ZBTB8B: variants seen among roughly 807,000 people sequenced by gnomAD.
ZBTB8B encodes the protein zinc finger and BTB domain containing 8B.
ZBTB8B carries 17 observed loss-of-function variants against 30.3 expected under a neutral mutation model. That is an observed-to-expected ratio of 0.56 (90% CI 0.38 to 0.84). The LOEUF (loss-of-function observed/expected upper bound fraction) is 0.84, where lower values mean the gene tolerates loss of function less well. Ranked by LOEUF, ZBTB8B falls within the 40% of genes least tolerant of loss-of-function variation. The probability of loss-of-function intolerance (pLI) is 0.00; values close to 1 mark genes in which losing one functional copy is unlikely to be tolerated. For synonymous variants in ZBTB8B, 248 were observed against 255.6 expected (o/e 0.97, Z 0.28); for missense variants, 515 against 644.9 (o/e 0.80, Z 2.18).
rs1557685664 is a variant in ZBTB8B at position 32,491,974 on chromosome 1, G to C, written c.*6556G>C. 2.0e-5 allele frequency: 3 copies of C among 152,260 alleles called. No individual in the cohort carries two copies. The highest frequency in any genetic ancestry group is 2.0e-4 in the Admixed American group (3 of 15,292). 9.4% of individuals were successfully genotyped at this position (152,260 alleles called of 1,614,324 possible). On this transcript the variant is annotated 3_prime_UTR_variant, in exon 4 of 4. Coordinates refer to ENST00000609129, the MANE Select transcript of ZBTB8B (RefSeq NM_001145720.2). Reference sequence around the variant, plus strand: ...TTACACCTAATTCCTATAGAATATAGCCAGAGGAATTTCCTAGTAAAATAT... The same window carrying C: ...TTACACCTAATTCCTATAGAATATACCCAGAGGAATTTCCTAGTAAAATAT...
At chr1:32,472,671 C>T (rs554455282) in intron 2 of ZBTB8B, among the ~76,000 whole-genome samples, 3 of 152,204 alleles carry the variant, frequency 2.0e-5, no homozygotes, top group Admixed American at 6.5e-5. Flanking sequence ...TGGAGTGCAA[C>T]GGTGTGATCT....
chr1:32,493,253 CT>C lies in ZBTB8B; in HGVS notation c.*7836del, dbSNP rs1215118687. 3 of 152,094 alleles carry C rather than the reference CT, an allele frequency of 2.0e-5. No individual in the cohort carries two copies. Among genetic ancestry groups the C allele is most frequent in the Non-Finnish European group, 4.4e-5 (3 of 68,038 alleles). The allele number at this position is 152,094 out of a possible 1,614,324, so 9.4% of individuals were successfully genotyped here. On this transcript the variant is annotated 3_prime_UTR_variant, in exon 4 of 4. Coordinates refer to ENST00000609129, the MANE Select transcript of ZBTB8B (RefSeq NM_001145720.2). The stretch of plus-strand genomic sequence containing the variant: ...CGTATCCCAGGTTCAAGTGATTCCC[CT>C]GCCTCAGCCTCCCGAGTAGCTGGCA...
Position 32,485,618 on chromosome 1 carries a change from T to A in ZBTB8B, c.*200T>A. ...AGATAACCTTTTTGTGTGGTGCCCT[T>A]GGTTTCTGAGGGCTTTGCTGGCCAC... On this transcript the variant is annotated 3_prime_UTR_variant, in exon 4 of 4. Transcript: ENST00000609129. The A allele has an allele frequency of 3.3e-6, 2 of 610,674 alleles. No individual in the cohort carries two copies. Among genetic ancestry groups the A allele is most frequent in the Non-Finnish European group, 5.6e-6 (2 of 356,514 alleles). 37.8% of individuals were successfully genotyped at this position (610,674 alleles called of 1,614,324 possible). A position where few individuals can be genotyped will look rare whatever the true frequency, so the allele number is the denominator to read the frequency against.
intron 1 of ZBTB8B, among the ~76,000 whole-genome samples, chr1:32,466,974 G>T (rs878860162): frequency 6.6e-6 from 1 of 152,180 alleles, no homozygotes; most frequent in East Asian, 1.9e-4. Context: ...GCAACATAGT[G>T]AGACCCCATC....
In ZBTB8B at chr1:32,492,872, C is replaced by T. The variant is rs978410679; in HGVS notation, c.*7454C>T. ...TGACAACAGGGACAAGCACAGGGTA[C>T]TCTGAGAACGCGTGGGTCGGGTACC... On this transcript the variant is annotated 3_prime_UTR_variant, in exon 4 of 4. Coordinates refer to ENST00000609129, the MANE Select transcript of ZBTB8B (RefSeq NM_001145720.2). The T allele has an allele frequency of 1.3e-5, 2 of 152,116 alleles. No individual in the cohort carries two copies. The highest frequency in any genetic ancestry group is 4.8e-5 in the African/African-American group (2 of 41,408). The allele number at this position is 152,116 out of a possible 1,614,324, so 9.4% of individuals were successfully genotyped here.
intron 3 of ZBTB8B, among the ~76,000 whole-genome samples, chr1:32,483,055 G>A (rs955581103): frequency 2.0e-5 from 3 of 151,510 alleles, no homozygotes; most frequent in African/African-American, 7.3e-5. Context: ...GGTTCACAGA[G>A]CCCCTATCGG....
At position 32,484,210 on chromosome 1, in the gene ZBTB8B, G is replaced by GAA. The variant is rs1279754660; in HGVS notation, c.1171-876_1171-875dup. On this transcript the variant is annotated intron_variant, in intron 3 of 3. Coordinates refer to ENST00000609129, the MANE Select transcript of ZBTB8B (RefSeq NM_001145720.2). The surrounding 1 kb of genome is among the most constrained non-coding windows in gnomAD (Gnocchi z 4.5). ...GTGACAGAGAAAGACCCTGTCTCTG[G>GAA]AAAAAAAAAAAAAAAATCCCAATCA... 4.1e-3 allele frequency among the ~76,000 whole-genome samples: 541 copies of GAA among 130,474 alleles called. 3 individuals are homozygous for GAA. The highest frequency in any genetic ancestry group is 0.014 in the African/African-American group (514 of 35,566). The allele number at this position is 130,474 out of a possible 152,430, so 85.6% of individuals were successfully genotyped here.
intron 1 of ZBTB8B, among the ~76,000 whole-genome samples, chr1:32,467,049 T>C (rs12029056): frequency 0.15 from 22,496 of 152,030 alleles, 1,901 homozygotes; most frequent in African/African-American, 0.22. Context: ...CACAGCTACT[T>C]GGGAGGCTGA....
intron 1 of ZBTB8B, 81 bp from the exon 2 acceptor site, chr1:32,470,499 CAAAA>C (rs60700558): frequency 0.014 from 4,891 of 352,250 alleles, no homozygotes; most frequent in South Asian, 0.028. Context: ...GACGCTGACT[CAAAA>C]AAAAAAAAAA....
At position 32,490,356 on chromosome 1, in the gene ZBTB8B, G is replaced by A. The variant is rs1643771338; in HGVS notation, c.*4938G>A. ...TCACACTATCTTCTAACCTGATAAA[G>A]GGACACTTTATTCAGGTGCATATGA... On this transcript the variant is annotated 3_prime_UTR_variant, in exon 4 of 4. Coordinates refer to ENST00000609129, the MANE Select transcript of ZBTB8B (RefSeq NM_001145720.2). 1 of 152,100 alleles carries A rather than the reference G, an allele frequency of 6.6e-6. No individual in the cohort carries two copies. The highest frequency in any genetic ancestry group is 2.1e-4 in the South Asian group (1 of 4,828). The allele number at this position is 152,100 out of a possible 1,614,324, so 9.4% of individuals were successfully genotyped here.
intron 2 of ZBTB8B, among the ~76,000 whole-genome samples, chr1:32,478,057 C>CA (rs910312953): frequency 1.2e-3 from 156 of 132,722 alleles, no homozygotes; most frequent in East Asian, 2.4e-3. Context: ...AACTCCGTCT[C>CA]AAAAAAAAAA....
intron 2 of ZBTB8B, 33 bp from the exon 3 acceptor site, chr1:32,480,858 A>G: frequency 6.5e-7 from 1 of 1,541,494 alleles, no homozygotes; most frequent in East Asian, 2.4e-5. Context: ...CACTGCATAC[A>G]GCACAGCTAA....
At chr1:32,475,001 C>T (rs1643651962) in intron 2 of ZBTB8B, among the ~76,000 whole-genome samples, 1 of 152,178 alleles carries the variant, frequency 6.6e-6, no homozygotes, top group Non-Finnish European at 1.5e-5. Flanking sequence ...ATATTCAGGT[C>T]CTGTCCTTAT....
chr1:32,484,958 A>T lies in ZBTB8B; in HGVS notation c.1171-143A>T, dbSNP rs1643732567. 1.4e-6 allele frequency: 1 copy of T among 722,198 alleles called. No individual in the cohort carries two copies. Among genetic ancestry groups the T allele is most frequent in the Admixed American group, 2.7e-5 (1 of 36,944 alleles). 44.7% of individuals were successfully genotyped at this position (722,198 alleles called of 1,614,324 possible). A position where few individuals can be genotyped will look rare whatever the true frequency, so the allele number is the denominator to read the frequency against. ...TTTATAGCAGTGCAAGAACAGACTA[A>T]TACAAAGACTGTGGCAGAGAATGCA... is the stretch of plus-strand genomic sequence containing the variant. On this transcript the variant is annotated intron_variant, in intron 3 of 3. Coordinates refer to ENST00000609129, the MANE Select transcript of ZBTB8B (RefSeq NM_001145720.2). This position sits in a 1 kb window ranked among gnomAD's most constrained non-coding sequence, Gnocchi z 4.5.
rs1643813126 is a variant in ZBTB8B at position 32,495,767 on chromosome 1, A to T, written c.*10349A>T. Reference sequence around the variant, plus strand: ...TGTGGTAGTGTACACCTGTAGTCCCAGCTACTCCAAAGGCTGAGGCAGGAG... The same window carrying T: ...TGTGGTAGTGTACACCTGTAGTCCCTGCTACTCCAAAGGCTGAGGCAGGAG... On this transcript the variant is annotated 3_prime_UTR_variant, in exon 4 of 4. Coordinates refer to ENST00000609129, the MANE Select transcript of ZBTB8B (RefSeq NM_001145720.2). 6.6e-6 allele frequency: 1 copy of T among 152,218 alleles called. No individual in the cohort carries two copies. Among genetic ancestry groups the T allele is most frequent in the Admixed American group, 6.5e-5 (1 of 15,270 alleles). The allele number at this position is 152,218 out of a possible 1,614,324, so 9.4% of individuals were successfully genotyped here.
chr1:32,481,734 A>G (rs1362407167), intron 3 of ZBTB8B, among the ~76,000 whole-genome samples: 2 of 152,080 alleles, frequency 1.3e-5, no homozygotes, highest in African/African-American at 2.4e-5. Flanking sequence ...ATCACCCAGG[A>G]ATTAGTTCTC....
intron 2 of ZBTB8B, 22 bp downstream of exon 2, chr1:32,471,637 C>T (rs757532395): frequency 5.2e-6 from 8 of 1,535,702 alleles, no homozygotes; most frequent in South Asian, 4.8e-5. Flanking sequence ...TAGCATTCAT[C>T]AGCCCTGCCA....
chr1:32,480,975 A>G lies in ZBTB8B; in HGVS notation c.1076A>G (p.His359Arg), dbSNP rs1043080335. 28 of 1,552,250 alleles carry G rather than the reference A, an allele frequency of 1.8e-5. No homozygotes were observed. The highest frequency in any genetic ancestry group is 2.4e-5 in the Non-Finnish European group (27 of 1,147,216). ...TAKQKGILKRHIRSHTGERPY... is the reference protein window; with the variant it reads ...TAKQKGILKRRIRSHTGERPY... ...AAACAGAAGGGCATCCTCAAGCGGC[A>G]CATCCGTTCACACACAGGCGAGCGG... Residue 359 changes from histidine (H) to arginine (R), a missense_variant, in exon 3 of 4, where the codon CAC (histidine) becomes CGC (arginine). Coordinates refer to ENST00000609129, the MANE Select transcript of ZBTB8B (RefSeq NM_001145720.2).
At chr1:32,475,222 A>G (rs776671361) in intron 2 of ZBTB8B, among the ~76,000 whole-genome samples, 11 of 152,216 alleles carry the variant, frequency 7.2e-5, no homozygotes, top group Non-Finnish European at 1.6e-4. Flanking sequence ...TTTTGTGTGA[A>G]GGCATAAAGA....
Sources: allele counts gnomAD v4.1 joint callset (sites outside exome capture counted in the v4.1 genomes callset), GRCh38; gene constraint gnomAD v4.1.1; non-coding constraint Gnocchi (gnomAD v3.1); transcripts MANE v1.5; gene names NCBI Gene and HGNC (gene_info 2026-07-23, HGNC 2026-07-21).